C10orf90: variants seen among roughly 807,000 people sequenced by gnomAD.
The protein encoded by C10orf90 is chromosome 10 open reading frame 90, also known as (E2-independent) E3 ubiquitin-conjugating enzyme FATS.
C10orf90 carries 56 observed loss-of-function variants against 62.5 expected under a neutral mutation model. That is an observed-to-expected ratio of 0.90 (90% CI 0.72 to 1.12). C10orf90 has a LOEUF of 1.12. Among genes scored for constraint, C10orf90 ranks in the 50% most tolerant of loss-of-function variants. The probability of loss-of-function intolerance (pLI) is 0.00; values close to 1 mark genes in which losing one functional copy is unlikely to be tolerated. For missense variants in C10orf90, 970 were observed against 880.4 expected, an observed-to-expected ratio of 1.10 and a Z score of -1.29; for synonymous variants, 386 against 340.4, an observed-to-expected ratio of 1.13 and a Z score of -1.47.
chr10:126,602,822 G>A (rs1845225297), intron 2 of C10orf90, among the ~76,000 whole-genome samples: 1 of 150,968 alleles, frequency 6.6e-6, no homozygotes, highest in East Asian at 2.0e-4. Context: ...TACAATCAGT[G>A]GGTCTTGGAT....
At chr10:126,576,113 A>C (rs796914348) in intron 2 of C10orf90, among the ~76,000 whole-genome samples, 8 of 152,270 alleles carry the variant, frequency 5.3e-5, no homozygotes, top group African/African-American at 1.7e-4. Context: ...ACAGCAAAGG[A>C]AACAACCAAC....
At chr10:126,445,805 GTATATATA>G (rs71029302) in intron 7 of C10orf90, among the ~76,000 whole-genome samples, 2 of 100,730 alleles carry the variant, frequency 2.0e-5, no homozygotes, top group Admixed American at 2.0e-4. Context: ...AAACTGTGGT[GTATATATA>G]TATATATATA....
At chr10:126,617,811 C>T (rs1394208352) in intron 2 of C10orf90, among the ~76,000 whole-genome samples, 1 of 152,248 alleles carries the variant, frequency 6.6e-6, no homozygotes, top group Non-Finnish European at 1.5e-5. Context: ...CTCCCATGAG[C>T]TCTACCTCTG....
At chr10:126,564,996 T>TTATATAA (rs1844293565) in intron 2 of C10orf90, among the ~76,000 whole-genome samples, 2 of 13,112 alleles carry the variant, frequency 1.5e-4, no homozygotes, top group Non-Finnish European at 2.9e-4. Flanking sequence ...AAAATATATA[T>TTATATAA]TATATATAAT....
intron 2 of C10orf90, among the ~76,000 whole-genome samples, chr10:126,645,364 T>C (rs1190073816): frequency 3.3e-5 from 5 of 151,322 alleles, no homozygotes; most frequent in African/African-American, 4.9e-5. Flanking sequence ...GCCCAGGAGT[T>C]TGAGACCAGG....
chr10:126,610,664 T>G (rs1005195091), intron 2 of C10orf90, among the ~76,000 whole-genome samples: 2 of 152,222 alleles, frequency 1.3e-5, no homozygotes, highest in South Asian at 4.1e-4. Context: ...TAAATGAATA[T>G]TCATTATCAT....
chr10:126,461,649 T>C (rs374220636), intron 5 of C10orf90, 64 bp from the exon 6 acceptor site: 3 of 1,494,756 alleles, frequency 2.0e-6, no homozygotes, highest in African/African-American at 1.4e-5. Flanking sequence ...GGCTCCTCAA[T>C]ACCATTAGAC....
In C10orf90 at chr10:126,584,874, G is replaced by A. The variant is rs1347526691; in HGVS notation, c.313+61691C>T. Among the ~76,000 whole-genome samples, 4 of 152,050 alleles carry A rather than the reference G, an allele frequency of 2.6e-5. No homozygotes were observed. The East Asian group carries it at 5.8e-4, about 22-fold the overall frequency. ...TGTGTGTGTGTTGGTAGAGCTCCCT[G>A]GATGTGTTTGACAAGCCCTCTCTTC... is the stretch of plus-strand genomic sequence containing the variant. On this transcript the variant is annotated intron_variant, in intron 2 of 9. Coordinates refer to ENST00000488181, the MANE Select transcript of C10orf90 (RefSeq NM_001350921.2).
At chr10:126,576,729 T>TATATGTATATGTATATATACATATAGATA (rs1844629812) in intron 2 of C10orf90, among the ~76,000 whole-genome samples, 3 of 50,628 alleles carry the variant, frequency 5.9e-5, no homozygotes, top group South Asian at 5.3e-4. Flanking sequence ...GATATACATA[T>TATATGTATATGTATATATACATATAGATA]ATATGTATAT....
At chr10:126,501,415 T>G (rs961870029) in intron 4 of C10orf90, among the ~76,000 whole-genome samples, 1 of 151,872 alleles carries the variant, frequency 6.6e-6, no homozygotes, top group Middle Eastern at 3.4e-3. Flanking sequence ...GGTGAAGGTG[T>G]GCATTTGTAG....
At chr10:126,633,441 G>A (rs887178570) in intron 2 of C10orf90, among the ~76,000 whole-genome samples, 1 of 152,262 alleles carries the variant, frequency 6.6e-6, no homozygotes, top group Non-Finnish European at 1.5e-5. Context: ...ACATGGCCAA[G>A]GCCAAGGACA....
intron 1 of C10orf90, among the ~76,000 whole-genome samples, chr10:126,655,783 T>G (rs1177189554): frequency 1.3e-5 from 2 of 150,912 alleles, no homozygotes; most frequent in Non-Finnish European, 2.9e-5. Context: ...CCTTTAACTT[T>G]TAACTCAGTT....
At chr10:126,566,133 AT>A (rs1844382929) in intron 2 of C10orf90, among the ~76,000 whole-genome samples, 1 of 152,182 alleles carries the variant, frequency 6.6e-6, no homozygotes, top group African/African-American at 2.4e-5. Context: ...TTATGCAAGG[AT>A]AACCTTGGAT....
At position 126,602,480 on chromosome 10, in the gene C10orf90, G is replaced by A. The variant is rs79912187; in HGVS notation, c.313+44085C>T. Reference sequence around the variant, plus strand: ...AAGGGACTTGGTATCAATCATAACAGGGTGGTTCCACTGTGGAACTCCTGA... The same window carrying A: ...AAGGGACTTGGTATCAATCATAACAAGGTGGTTCCACTGTGGAACTCCTGA... On this transcript the variant is annotated intron_variant, in intron 2 of 9. Coordinates refer to ENST00000488181, the MANE Select transcript of C10orf90 (RefSeq NM_001350921.2). Among the ~76,000 whole-genome samples the A allele has an allele frequency of 2.9e-3, 437 of 152,256 alleles. 5 individuals carry two copies. The highest frequency in any genetic ancestry group is 9.5e-3 in the African/African-American group (393 of 41,544).
At chr10:126,633,890 C>T (rs1241029645) in intron 2 of C10orf90, among the ~76,000 whole-genome samples, 3 of 152,156 alleles carry the variant, frequency 2.0e-5, no homozygotes, top group African/African-American at 4.8e-5. Context: ...TAGAATTAGT[C>T]ATTACTCATT....
At chr10:126,575,024 A>G (rs917154535) in intron 2 of C10orf90, among the ~76,000 whole-genome samples, 1 of 152,160 alleles carries the variant, frequency 6.6e-6, no homozygotes, top group Admixed American at 6.5e-5. Context: ...GACAAGAAAA[A>G]GAAATAAAAA....
Position 126,459,064 on chromosome 10 carries a change from A to G in C10orf90, c.2164T>C (p.Phe722Leu). 6.2e-7 allele frequency: 1 copy of G among 1,613,218 alleles called. No homozygotes were observed. The highest frequency in any genetic ancestry group is 1.3e-5 in the African/African-American group (1 of 74,984). ...CCACTCAGAGGATGGGGAATCGTGA[A>G]CTGCTTCTTGCTGGTGCGGATGGGA... ...LLPIRTSKKQ[F>L]TIPHPLSDNL... Residue 722 changes from phenylalanine (F) to leucine (L), a missense_variant, in exon 7 of 10, where the codon TTC becomes CTC. Physicochemically the swap from Phe to Leu is conservative, Grantham distance 22. Transcript: ENST00000488181.
chr10:126,467,636 A>G (rs1564813199), intron 4 of C10orf90, among the ~76,000 whole-genome samples: 1 of 152,178 alleles, frequency 6.6e-6, no homozygotes, highest in East Asian at 1.9e-4. Context: ...GGGCTAGGCC[A>G]TCATGAATGT....
At chr10:126,588,833 G>C (rs764538947) in intron 2 of C10orf90, among the ~76,000 whole-genome samples, 1 of 152,150 alleles carries the variant, frequency 6.6e-6, no homozygotes, top group African/African-American at 2.4e-5. Context: ...TCTAGCAAGG[G>C]CACAGAAATG....
Sources: gnomAD v4.1 joint callset for allele counts (sites outside exome capture counted in the v4.1 genomes callset) on GRCh38, gnomAD v4.1.1 for gene constraint, MANE v1.5 for transcripts, NCBI Gene and HGNC (gene_info 2026-07-23, HGNC 2026-07-21) for gene names.